Variants in FAM168A observed in about 807,000 individuals in gnomAD.
FAM168A encodes the protein protein FAM168A.
Under a neutral mutation model 28.5 loss-of-function variants are expected in FAM168A, and 3 were observed. That is an observed-to-expected ratio of 0.11 (90% CI 0.05 to 0.27). The LOEUF is 0.27. Among genes scored for constraint, FAM168A ranks in the 10% least tolerant of loss-of-function variants. The probability of loss-of-function intolerance (pLI) is 1.00; values close to 1 mark genes in which losing one functional copy is unlikely to be tolerated. For synonymous variants in FAM168A, 122 were observed against 124.2 expected (o/e 0.98, Z 0.12); for missense variants, 222 against 311.5 (o/e 0.71, Z 2.16).
rs149855853 is a variant in FAM168A, at chr11:73,557,861, C to A, written c.-19+40062G>T. Among the ~76,000 whole-genome samples, 388 of 152,094 alleles carry A rather than the reference C, an allele frequency of 2.6e-3. 9 individuals carry two copies. The highest frequency in any genetic ancestry group is 0.024 in the Admixed American group (360 of 15,272). On this transcript the variant is annotated intron_variant, in intron 1 of 7. Coordinates refer to ENST00000356467, the MANE Select transcript of FAM168A (RefSeq NM_015159.3). ...AGAATCACAAGTCTAGAAATAAATC[C>A]ATACATCTCTGGCCAATTAATTTTC...
At chr11:73,552,666 A>G (rs141502771) in intron 1 of FAM168A, among the ~76,000 whole-genome samples, 1 of 152,314 alleles carries the variant, frequency 6.6e-6, no homozygotes, top group East Asian at 1.9e-4. Context: ...TTGAATAAAT[A>G]ATGGATGAGG....
chr11:73,571,420 A>G (rs948483163), intron 1 of FAM168A, among the ~76,000 whole-genome samples: 1 of 151,244 alleles, frequency 6.6e-6, no homozygotes, highest in Non-Finnish European at 1.5e-5. Context: ...TGGTTTTCGT[A>G]TTTTTTTGGT....
chr11:73,435,191 CT>C (rs1434235619), intron 2 of FAM168A, among the ~76,000 whole-genome samples: 2 of 152,202 alleles, frequency 1.3e-5, no homozygotes, highest in African/African-American at 2.4e-5. Flanking sequence ...TCTTTACCCC[CT>C]GATCATTTTC....
intron 1 of FAM168A, among the ~76,000 whole-genome samples, chr11:73,589,451 G>A (rs1446049504): frequency 6.6e-6 from 1 of 150,540 alleles, no homozygotes; most frequent in Non-Finnish European, 1.5e-5. Context: ...AATTGACTTG[G>A]GCTTCACATA....
chr11:73,419,765 C>T, intron 4 of FAM168A, 109 bp downstream of exon 4: 1 of 1,394,938 alleles, frequency 7.2e-7, no homozygotes. Context: ...CCTCTTAAAA[C>T]ATTATTTATC....
chr11:73,591,684 GT>G (rs1338696911), intron 1 of FAM168A, among the ~76,000 whole-genome samples: 1 of 152,064 alleles, frequency 6.6e-6, no homozygotes, highest in Non-Finnish European at 1.5e-5. Context: ...TAATATTTTT[GT>G]TTTTTGTAGA....
At chr11:73,559,149 C>T (rs187028328) in intron 1 of FAM168A, among the ~76,000 whole-genome samples, 2 of 152,208 alleles carry the variant, frequency 1.3e-5, no homozygotes, top group South Asian at 2.1e-4. Context: ...GGCTTATGCC[C>T]GTAATCCTAT....
chr11:73,498,613 T>C (rs527872776), intron 1 of FAM168A, among the ~76,000 whole-genome samples: 17 of 152,282 alleles, frequency 1.1e-4, no homozygotes, highest in Middle Eastern at 3.4e-3. Context: ...CCTGACATGC[T>C]AAGCTCCCTG....
At chr11:73,520,267 C>G (rs1426576114) in intron 1 of FAM168A, among the ~76,000 whole-genome samples, 3 of 151,764 alleles carry the variant, frequency 2.0e-5, no homozygotes. Context: ...CCAGGATGGT[C>G]TCGATCTCCT....
chr11:73,497,180 C>A (rs1422895068), intron 1 of FAM168A, among the ~76,000 whole-genome samples: 1 of 152,124 alleles, frequency 6.6e-6, no homozygotes, highest in Non-Finnish European at 1.5e-5. Flanking sequence ...GGAGGAACTA[C>A]TGTCGGCCAG....
At chr11:73,502,689 C>CA (rs1855032115) in intron 1 of FAM168A, among the ~76,000 whole-genome samples, 1 of 151,952 alleles carries the variant, frequency 6.6e-6, no homozygotes, top group African/African-American at 2.4e-5. Context: ...GGAAGAGACA[C>CA]AACAAAAAAA....
At chr11:73,556,724 TA>T (rs1943895759) in intron 1 of FAM168A, among the ~76,000 whole-genome samples, 1 of 150,588 alleles carries the variant, frequency 6.6e-6, no homozygotes, top group South Asian at 2.1e-4. Context: ...TTTACTGCAA[TA>T]AAAAAAAATT....
chr11:73,547,029 G>C (rs1205918456), intron 1 of FAM168A, among the ~76,000 whole-genome samples: 1 of 149,600 alleles, frequency 6.7e-6, no homozygotes, highest in Non-Finnish European at 1.5e-5. Flanking sequence ...ACTCACACCT[G>C]TAATCCTAGC....
intron 2 of FAM168A, among the ~76,000 whole-genome samples, chr11:73,445,419 C>CT (rs56294455): frequency 0.028 from 1,405 of 50,452 alleles, 238 homozygotes; most frequent in Non-Finnish European, 0.033. Context: ...AAAAATGTCT[C>CT]TTTTTTTTTT....
intron 1 of FAM168A, among the ~76,000 whole-genome samples, chr11:73,563,959 A>T (rs1943988725): frequency 6.6e-6 from 1 of 152,198 alleles, no homozygotes; most frequent in East Asian, 1.9e-4. Context: ...TTCAGAGCTC[A>T]AAGTCACTGC....
chr11:73,434,734 G>A (rs968776792), intron 2 of FAM168A, among the ~76,000 whole-genome samples: 5 of 152,214 alleles, frequency 3.3e-5, no homozygotes, highest in African/African-American at 1.2e-4. Flanking sequence ...TTCAGCAGAA[G>A]AATAACATGC....
intron 1 of FAM168A, among the ~76,000 whole-genome samples, chr11:73,582,155 A>G (rs1228019334): frequency 6.6e-6 from 1 of 152,192 alleles, no homozygotes; most frequent in African/African-American, 2.4e-5. Context: ...TAATGCATAG[A>G]TGCATAAGTG....
In FAM168A at chr11:73,585,520, T is replaced by C. The variant is rs191007456; in HGVS notation, c.-19+12403A>G. Among the ~76,000 whole-genome samples the C allele has an allele frequency of 3.7e-3, 558 of 152,334 alleles. 3 individuals carry two copies. The highest frequency in any genetic ancestry group is 0.013 in the African/African-American group (526 of 41,566). Reference sequence around the variant, plus strand: ...TAGGGAAAATTCATCCCATTAAATTTCTTAGACTACTAAATATCCAAATTA... The same window carrying C: ...TAGGGAAAATTCATCCCATTAAATTCCTTAGACTACTAAATATCCAAATTA... On this transcript the variant is annotated intron_variant, in intron 1 of 7. Transcript: ENST00000356467.
At position 73,403,022 on chromosome 11, in the gene FAM168A, C is replaced by T. The variant is rs1381785696; in HGVS notation, c.*3741G>A. ...GAAGAATCACTTCCAAGCTGTGTGA[C>T]CTTTTAGCAAGTCTCAAGCCTCCTG... On this transcript the variant is annotated 3_prime_UTR_variant, in exon 8 of 8. Coordinates refer to ENST00000356467, the MANE Select transcript of FAM168A (RefSeq NM_015159.3). The T allele has an allele frequency of 6.6e-6, 1 of 152,192 alleles. No individual in the cohort carries two copies. Among genetic ancestry groups the T allele is most frequent in the Non-Finnish European group, 1.5e-5 (1 of 68,026 alleles). The allele number at this position is 152,192 out of a possible 1,614,324, so 9.4% of individuals were successfully genotyped here.
Sources: allele counts gnomAD v4.1 joint callset (sites outside exome capture counted in the v4.1 genomes callset), GRCh38; gene constraint gnomAD v4.1.1; transcripts MANE v1.5; gene names NCBI Gene and HGNC (gene_info 2026-07-23, HGNC 2026-07-21).